DAB1: variants seen among roughly 807,000 people sequenced by gnomAD.
DAB1 encodes disabled homolog 1.
A neutral mutation model predicts 64.6 loss-of-function variants in DAB1; 15 were observed. The observed-to-expected ratio is 0.23, with a 90% CI of 0.16 to 0.36. The LOEUF (loss-of-function observed/expected upper bound fraction) is 0.36, where lower values mean the gene tolerates loss of function less well. DAB1 is among the 10% of genes least tolerant of loss of function. DAB1 has a pLI of 1.00. For synonymous variants in DAB1, 235 were observed against 251.9 expected (o/e 0.93, Z 0.64); for missense variants, 596 against 706.7 (o/e 0.84, Z 1.78).
intron 4 of DAB1, among the ~76,000 whole-genome samples, chr1:57,099,706 A>C (rs1021121698): frequency 6.6e-6 from 1 of 152,222 alleles, no homozygotes; most frequent in African/African-American, 2.4e-5. Flanking sequence ...GCACGTATGC[A>C]ATTTTCAATG....
chr1:58,081,315 G>A (rs1649983651), intron 5 of DAB1, among the ~76,000 whole-genome samples: 1 of 152,190 alleles, frequency 6.6e-6, no homozygotes, highest in African/African-American at 2.4e-5. Context: ...GCACCAGAAT[G>A]CCAGTGATTT....
chr1:57,300,225 A>G (rs1047446960), intron 1 of DAB1, among the ~76,000 whole-genome samples: 21 of 152,246 alleles, frequency 1.4e-4, no homozygotes, highest in African/African-American at 5.1e-4. Context: ...CCACTGTTCT[A>G]GATGCTCAGA....
At chr1:57,707,324 A>G (rs548599064) in intron 6 of DAB1, among the ~76,000 whole-genome samples, 3 of 151,684 alleles carry the variant, frequency 2.0e-5, no homozygotes, top group Admixed American at 6.6e-5. Context: ...AGATCCATTC[A>G]CATTATTGTG....
chr1:58,347,971 A>G (rs1400862674), intron 3 of DAB1, among the ~76,000 whole-genome samples: 4 of 152,132 alleles, frequency 2.6e-5, no homozygotes, highest in African/African-American at 9.7e-5. Flanking sequence ...CTATCCTCCA[A>G]GGGTCCAGCT....
chr1:57,233,251 G>A (rs868299094), intron 2 of DAB1, among the ~76,000 whole-genome samples: 12 of 85,512 alleles, frequency 1.4e-4, no homozygotes, highest in Non-Finnish European at 2.1e-4. Context: ...GCTTTGCTCC[G>A]ATTCTTTTTT....
intron 1 of DAB1, among the ~76,000 whole-genome samples, chr1:57,422,084 A>G (rs1452175763): frequency 2.6e-5 from 4 of 152,200 alleles, no homozygotes; most frequent in Non-Finnish European, 4.4e-5. Flanking sequence ...CCAAAGACCT[A>G]TAATTGGCAC....
At chr1:57,255,051 G>A (rs1042202827) in intron 2 of DAB1, among the ~76,000 whole-genome samples, 1 of 152,092 alleles carries the variant, frequency 6.6e-6, no homozygotes, top group African/African-American at 2.4e-5. Flanking sequence ...AACAGTGCCT[G>A]ACAAATAGTA....
At chr1:57,406,842 G>C (rs1683680848) in intron 1 of DAB1, among the ~76,000 whole-genome samples, 1 of 152,138 alleles carries the variant, frequency 6.6e-6, no homozygotes, top group South Asian at 2.1e-4. Flanking sequence ...AAAATAAAAT[G>C]AAAGAGTTGC....
At chr1:58,163,629 A>C (rs1655664632) in intron 4 of DAB1, among the ~76,000 whole-genome samples, 2 of 152,190 alleles carry the variant, frequency 1.3e-5, no homozygotes, top group African/African-American at 4.8e-5. Flanking sequence ...AAGCTCGAAG[A>C]GGGCAGGATG....
intron 5 of DAB1, among the ~76,000 whole-genome samples, chr1:58,023,274 C>A (rs1480931761): frequency 1.3e-5 from 2 of 152,060 alleles, no homozygotes; most frequent in African/African-American, 4.8e-5. Flanking sequence ...ATATTTATCA[C>A]CCCCAGCCCA....
At chr1:58,226,724 T>C (rs992391210) in intron 4 of DAB1, among the ~76,000 whole-genome samples, 2 of 152,300 alleles carry the variant, frequency 1.3e-5, no homozygotes, top group African/African-American at 4.8e-5. Context: ...CCTTAGGAGG[T>C]AGGTTCTATA....
chr1:57,807,662 T>TATA (rs1651426525), intron 6 of DAB1, among the ~76,000 whole-genome samples: 1 of 152,160 alleles, frequency 6.6e-6, no homozygotes, highest in Non-Finnish European at 1.5e-5. Context: ...TGGATCCACT[T>TATA]ATACCTACAA....
intron 7 of DAB1, among the ~76,000 whole-genome samples, chr1:57,579,394 A>G (rs879768137): frequency 2.0e-5 from 3 of 152,168 alleles, no homozygotes; most frequent in Admixed American, 6.5e-5. Flanking sequence ...GGGTACTCTC[A>G]GATTTCCCTG....
chr1:58,065,718 T>C (rs1013323032), intron 5 of DAB1, among the ~76,000 whole-genome samples: 1 of 151,892 alleles, frequency 6.6e-6, no homozygotes, highest in Non-Finnish European at 1.5e-5. Context: ...CGTGGTGATT[T>C]TGGAATCTAC....
At chr1:57,131,785 T>C (rs1657669665) in intron 4 of DAB1, among the ~76,000 whole-genome samples, 1 of 152,214 alleles carries the variant, frequency 6.6e-6, no homozygotes, top group Non-Finnish European at 1.5e-5. Flanking sequence ...CCTGGGCCAC[T>C]CTCACCTCCT....
intron 4 of DAB1, among the ~76,000 whole-genome samples, chr1:58,207,170 G>A (rs769016400): frequency 6.6e-6 from 1 of 152,204 alleles, no homozygotes; most frequent in East Asian, 1.9e-4. Flanking sequence ...CATCCTACAT[G>A]AGTCAAGCCC....
chr1:58,079,536 T>G (rs1649861905), intron 5 of DAB1, among the ~76,000 whole-genome samples: 1 of 145,342 alleles, frequency 6.9e-6, no homozygotes, highest in African/African-American at 2.6e-5. Context: ...TTTTTTTTTT[T>G]TTTTGAGATG....
At chr1:57,183,417 T>G (rs1348566950) in intron 2 of DAB1, among the ~76,000 whole-genome samples, 1 of 152,052 alleles carries the variant, frequency 6.6e-6, no homozygotes, top group Non-Finnish European at 1.5e-5. Flanking sequence ...GTGCAATGAA[T>G]GAGGAAAGAA....
chr1:57,332,002 T>C (rs1676713300), intron 1 of DAB1, among the ~76,000 whole-genome samples: 1 of 152,218 alleles, frequency 6.6e-6, no homozygotes, highest in Non-Finnish European at 1.5e-5. Context: ...CTTGCTCTAT[T>C]GCCCAGCCTA....
Sources: gnomAD v4.1 joint callset for allele counts (sites outside exome capture counted in the v4.1 genomes callset) on GRCh38, gnomAD v4.1.1 for gene constraint, MANE v1.5 for transcripts, NCBI Gene and HGNC (gene_info 2026-07-23, HGNC 2026-07-21) for gene names.